The following SUGCT variants were observed in gnomAD, a reference collection of about 807,000 sequenced individuals.
SUGCT encodes the protein succinyl-CoA:glutarate-CoA transferase.
Under a neutral mutation model 55.0 loss-of-function variants are expected in SUGCT, and 41 were observed. The observed-to-expected ratio is 0.74, with a 90% CI of 0.58 to 0.97. The LOEUF is 0.97. Ranked by LOEUF, SUGCT falls within the 50% of genes least tolerant of loss-of-function variation. The pLI, the probability that SUGCT is intolerant of heterozygous loss-of-function variation, is 0.00. For missense variants in SUGCT, 568 were observed against 547.8 expected (o/e 1.04, Z -0.37); for synonymous variants, 187 against 200.4 (o/e 0.93, Z 0.56).
At chr7:40,843,181 C>A (rs77979127) in intron 13 of SUGCT, among the ~76,000 whole-genome samples, 1 of 152,056 alleles carries the variant, frequency 6.6e-6, no homozygotes, top group South Asian at 2.1e-4. Flanking sequence ...GCCAAAGGGG[C>A]GATGGAAAGT....
At chr7:40,948,675 A>G in the SUGCT span, among the ~76,000 whole-genome samples, 7 of 150,708 alleles carry the variant, frequency 4.6e-5, no homozygotes, top group African/African-American at 1.7e-4. Flanking sequence ...TCATTGTTCA[A>G]CTCCCACTTA....
chr7:40,887,358 CT>C, the SUGCT span, among the ~76,000 whole-genome samples: 709 of 152,258 alleles, frequency 4.7e-3, 4 homozygotes, highest in African/African-American at 0.015. Flanking sequence ...TAGGAAACTA[CT>C]GTAGTAGTAA....
intron 1 of SUGCT, among the ~76,000 whole-genome samples, chr7:40,136,165 T>C (rs993962896): frequency 4.0e-5 from 6 of 151,404 alleles, no homozygotes; most frequent in Admixed American, 6.6e-5. Flanking sequence ...CCCGGCTAAT[T>C]TTTTTGTATT....
intron 11 of SUGCT, among the ~76,000 whole-genome samples, chr7:40,473,723 T>C (rs1790516855): frequency 2.0e-5 from 3 of 152,168 alleles, no homozygotes; most frequent in Admixed American, 1.3e-4. Context: ...CATGTTTGAA[T>C]GCAAATAACC....
chr7:40,160,550 GA>G (rs1784096028), intron 1 of SUGCT, among the ~76,000 whole-genome samples: 1 of 152,084 alleles, frequency 6.6e-6, no homozygotes, highest in Non-Finnish European at 1.5e-5. Flanking sequence ...TTTAAAACAT[GA>G]AATCTTAAAA....
intron 9 of SUGCT, among the ~76,000 whole-genome samples, chr7:40,343,609 T>A (rs530339045): frequency 1.3e-5 from 2 of 152,254 alleles, no homozygotes; most frequent in East Asian, 1.9e-4. Context: ...CCTCTACCCC[T>A]TCTCTTCCTC....
At chr7:40,686,968 A>C (rs1784495599) in intron 12 of SUGCT, among the ~76,000 whole-genome samples, 1 of 152,086 alleles carries the variant, frequency 6.6e-6, no homozygotes, top group Non-Finnish European at 1.5e-5. Flanking sequence ...CACCTTCCTC[A>C]GGTTACTCCA....
At chr7:40,294,123 T>C (rs1213444445) in intron 8 of SUGCT, among the ~76,000 whole-genome samples, 3 of 152,014 alleles carry the variant, frequency 2.0e-5, no homozygotes, top group South Asian at 4.1e-4. Context: ...ATTTTTTGTA[T>C]TTTTAGTAGA....
At chr7:40,287,080 A>G (rs1208128060) in intron 8 of SUGCT, among the ~76,000 whole-genome samples, 1 of 152,196 alleles carries the variant, frequency 6.6e-6, no homozygotes, top group Non-Finnish European at 1.5e-5. Context: ...GGAGGGTGCT[A>G]TAAGTTTGCT....
intron 11 of SUGCT, among the ~76,000 whole-genome samples, chr7:40,490,985 T>C (rs1376013770): frequency 6.6e-6 from 1 of 152,202 alleles, no homozygotes; most frequent in Non-Finnish European, 1.5e-5. Context: ...TGATTAAACA[T>C]AGTCTTTCCA....
At chr7:40,472,306 CAAAT>C (rs1283860326) in intron 11 of SUGCT, among the ~76,000 whole-genome samples, 1 of 152,038 alleles carries the variant, frequency 6.6e-6, no homozygotes, top group African/African-American at 2.4e-5. Context: ...ATTAGAGAAA[CAAAT>C]AAAAGCTTAC....
At chr7:40,900,091 G>A in the SUGCT span, among the ~76,000 whole-genome samples, 155 of 152,320 alleles carry the variant, frequency 1.0e-3, no homozygotes, top group Non-Finnish European at 1.8e-3. Flanking sequence ...CGAAGCATTG[G>A]CCAGGCTCTG....
At chr7:40,567,804 G>A (rs1796229036) in intron 12 of SUGCT, among the ~76,000 whole-genome samples, 1 of 152,184 alleles carries the variant, frequency 6.6e-6, no homozygotes, top group Non-Finnish European at 1.5e-5. Context: ...TTCAGACTAG[G>A]TAACTCCTGG....
At chr7:40,463,343 A>G (rs767054574) in intron 11 of SUGCT, among the ~76,000 whole-genome samples, 6 of 152,192 alleles carry the variant, frequency 3.9e-5, no homozygotes, top group Non-Finnish European at 7.3e-5. Flanking sequence ...GTGAAAACAG[A>G]AGCATTTATG....
the SUGCT span, among the ~76,000 whole-genome samples, chr7:41,008,222 T>C: frequency 2.0e-5 from 3 of 152,234 alleles, no homozygotes; most frequent in Admixed American, 2.0e-4. Flanking sequence ...TGATTCTTCC[T>C]GGTTCCATTT....
chr7:40,367,848 G>A (rs1784081243), intron 9 of SUGCT, among the ~76,000 whole-genome samples: 1 of 152,082 alleles, frequency 6.6e-6, no homozygotes, highest in Non-Finnish European at 1.5e-5. Flanking sequence ...CAAGGATGAA[G>A]ACCCAGCCCT....
At chr7:40,655,705 A>C (rs1366648306) in intron 12 of SUGCT, among the ~76,000 whole-genome samples, 2 of 152,216 alleles carry the variant, frequency 1.3e-5, no homozygotes, top group Non-Finnish European at 2.9e-5. Flanking sequence ...GGTAGGGGAC[A>C]GTGGTGAAAT....
intron 13 of SUGCT, among the ~76,000 whole-genome samples, chr7:40,842,957 GT>G (rs1384744313): frequency 1.3e-5 from 2 of 152,176 alleles, no homozygotes; most frequent in Non-Finnish European, 2.9e-5. Context: ...GACAGAATTT[GT>G]TTTTTGAGGT....
rs1554341106 is a variant in SUGCT at position 40,448,950 on chromosome 7, G to GTGTA, written c.817-336_817-335insGTAT. 1.6e-3 allele frequency among the ~76,000 whole-genome samples: 222 copies of GTGTA among 141,968 alleles called. 1 individual carries two copies. Among genetic ancestry groups the GTGTA allele is most frequent in the African/African-American group, 3.7e-3 (137 of 36,846 alleles). The allele number at this position is 141,968 out of a possible 152,430, so 93.1% of individuals were successfully genotyped here. The stretch of plus-strand genomic sequence containing the variant: ...TGTGTGTGTGTGTGTGTGTGTGTGT[G>GTGTA]TATATATATATAGAGAGAGAGAGAG... On this transcript the variant is annotated intron_variant, in intron 9 of 13. Transcript: ENST00000335693.
Sources: allele counts gnomAD v4.1 joint callset (sites outside exome capture counted in the v4.1 genomes callset), GRCh38; gene constraint gnomAD v4.1.1; transcripts MANE v1.5; gene names NCBI Gene and HGNC (gene_info 2026-07-23, HGNC 2026-07-21).